ABCC5: variants seen among roughly 807,000 people sequenced by gnomAD.
ABCC5 encodes the protein ATP binding cassette subfamily C member 5, also known as ATP-binding cassette sub-family C member 5.
ABCC5 carries 61 observed loss-of-function variants against 160.9 expected under a neutral mutation model. That is an observed-to-expected ratio of 0.38 (90% CI 0.31 to 0.47). The LOEUF (loss-of-function observed/expected upper bound fraction) is 0.47. ABCC5 is among the 20% of genes least tolerant of loss of function. ABCC5 has a pLI of 0.99. For synonymous variants in ABCC5, 666 were observed against 700.6 expected (o/e 0.95, Z 0.78); for missense variants, 1,308 against 1,813.3 (o/e 0.72, Z 5.06).
chr3:183,968,105 T>C (rs6800217), intron 11 of ABCC5, among the ~76,000 whole-genome samples: 94,793 of 151,914 alleles, frequency 0.62, 30,458 homozygotes, highest in East Asian at 0.86. Flanking sequence ...GAAGACAGGG[T>C]AGGGCTTTTA....
At chr3:183,948,163 A>T (rs1015952996) in intron 22 of ABCC5, among the ~76,000 whole-genome samples, 1 of 152,268 alleles carries the variant, frequency 6.6e-6, no homozygotes, top group African/African-American at 2.4e-5. Context: ...GTACGACTAG[A>T]ACTCCAGAGC....
At chr3:183,952,792 T>A (rs1044091545) in intron 18 of ABCC5, among the ~76,000 whole-genome samples, 1 of 152,190 alleles carries the variant, frequency 6.6e-6, no homozygotes, top group Non-Finnish European at 1.5e-5. Flanking sequence ...CTTTGTCAAG[T>A]ACCCCGTCTT....
At chr3:183,930,093 C>T (rs1713031668) in intron 26 of ABCC5, among the ~76,000 whole-genome samples, 1 of 152,240 alleles carries the variant, frequency 6.6e-6, no homozygotes. Flanking sequence ...AGTATATTTG[C>T]TTTGCTCATA....
chr3:183,962,554 A>T (rs1180942872), intron 15 of ABCC5, among the ~76,000 whole-genome samples: 7 of 147,336 alleles, frequency 4.8e-5, no homozygotes, highest in Non-Finnish European at 1.0e-4. Context: ...TTTTTGTGAC[A>T]GAGTCTTGCT....
chr3:184,000,423 C>T (rs530669261), intron 2 of ABCC5, among the ~76,000 whole-genome samples: 1 of 152,124 alleles, frequency 6.6e-6, no homozygotes, highest in South Asian at 2.1e-4. Flanking sequence ...TGGACTTGTA[C>T]TGAAAAAGTA....
In ABCC5 at chr3:183,981,829, C is replaced by T. The variant is rs113957838; in HGVS notation, c.1045G>A (p.Ala349Thr). The T allele has an allele frequency of 5.0e-6, 8 of 1,610,946 alleles. No homozygotes were observed. In the African/African-American group the frequency reaches 5.3e-5, roughly 11 times the overall value. Reference protein sequence around the residue: ...LTAYFRRKCVAATDERVQKMN... With the variant: ...LTAYFRRKCVTATDERVQKMN... Reference sequence around the variant, plus strand: ...TTCTGGACACGTTCATCCGTGGCGGCCACGCATTTTCTCCTGAAATATGCT... The same window carrying T: ...TTCTGGACACGTTCATCCGTGGCGGTCACGCATTTTCTCCTGAAATATGCT... The change falls in exon 8 of 30, where the codon GCC (alanine) becomes ACC (threonine). Residue 349 changes from alanine to threonine, a missense_variant. This residue lies in a region of ABCC5 where 1,142 missense variants were observed against 1,527.1 expected (regional missense o/e 0.75). Coordinates refer to ENST00000334444, the MANE Select transcript of ABCC5 (RefSeq NM_005688.4).
intron 1 of ABCC5, among the ~76,000 whole-genome samples, chr3:184,015,326 C>T (rs1722098811): frequency 6.6e-6 from 1 of 152,160 alleles, no homozygotes; most frequent in South Asian, 2.1e-4. Flanking sequence ...CACATACATA[C>T]TTCTCCAAAA....
intron 17 of ABCC5, among the ~76,000 whole-genome samples, chr3:183,956,831 A>C (rs55881139): frequency 3.0e-4 from 8 of 26,494 alleles, no homozygotes; most frequent in Admixed American, 1.1e-3. Context: ...TCCGTGTGTA[A>C]ATCACATCGG....
At chr3:183,923,724 G>A (rs1251213727) in intron 29 of ABCC5, among the ~76,000 whole-genome samples, 1 of 152,160 alleles carries the variant, frequency 6.6e-6, no homozygotes, top group Admixed American at 6.5e-5. Context: ...GTAGCTCAAC[G>A]TATCTTATGT....
intron 15 of ABCC5, among the ~76,000 whole-genome samples, chr3:183,962,262 C>A (rs1406655283): frequency 6.6e-6 from 1 of 152,166 alleles, no homozygotes; most frequent in Non-Finnish European, 1.5e-5. Context: ...TGTTTAATAT[C>A]TCATGCAATT....
At chr3:183,965,689 CT>C (rs1717153977) in intron 12 of ABCC5, among the ~76,000 whole-genome samples, 188 bp from the exon 13 acceptor site, 1 of 152,196 alleles carries the variant, frequency 6.6e-6, no homozygotes, top group African/African-American at 2.4e-5. Flanking sequence ...GTTCTCCTTG[CT>C]TATGTGTGAT....
chr3:183,929,276 T>C (rs984633368), intron 26 of ABCC5, among the ~76,000 whole-genome samples: 2 of 151,806 alleles, frequency 1.3e-5, no homozygotes, highest in African/African-American at 2.4e-5. Context: ...CTACTAAAAA[T>C]ACAAAAATTA....
At chr3:183,935,751 C>T (rs1235444355) in intron 26 of ABCC5, among the ~76,000 whole-genome samples, 1 of 152,220 alleles carries the variant, frequency 6.6e-6, no homozygotes, top group African/African-American at 2.4e-5. Flanking sequence ...ATCCGCCCAC[C>T]TAGCCCTCCC....
At chr3:183,973,101 C>G (rs1157653999) in intron 10 of ABCC5, among the ~76,000 whole-genome samples, 1 of 133,222 alleles carries the variant, frequency 7.5e-6, no homozygotes, top group African/African-American at 3.0e-5. Flanking sequence ...GTCGCCCAGG[C>G]TGGAGTGCAG....
At chr3:184,003,463 G>A (rs1720917105) in intron 2 of ABCC5, among the ~76,000 whole-genome samples, 2 of 152,110 alleles carry the variant, frequency 1.3e-5, no homozygotes, top group South Asian at 4.1e-4. Flanking sequence ...TCAGTCAAGA[G>A]GATCAGCAAA....
Position 183,988,860 on chromosome 3 carries a change from G to C in ABCC5, c.288-133C>G. The C allele has an allele frequency of 8.9e-7, 1 of 1,129,518 alleles. No homozygotes were observed. Among genetic ancestry groups the C allele is most frequent in the Non-Finnish European group, 1.2e-6 (1 of 816,152 alleles). The allele number at this position is 1,129,518 out of a possible 1,614,324, so 70.0% of individuals were successfully genotyped here. ...TCCCCAGATGATCTAATCTTAGCCT[G>C]AATGTTCTAAAACGGCTTTGATGGG... On this transcript the variant is annotated intron_variant, in intron 3 of 29. Transcript: ENST00000334444. The surrounding 1 kb of genome is among the most constrained non-coding windows in gnomAD (Gnocchi z 4.4).
At chr3:183,941,983 AG>A (rs1036738374) in intron 25 of ABCC5, among the ~76,000 whole-genome samples, 36 of 151,996 alleles carry the variant, frequency 2.4e-4, no homozygotes, top group African/African-American at 8.2e-4. Context: ...AAAAAAAAAA[AG>A]AAGTAAATTA....
chr3:183,930,702 C>T lies in ABCC5; in HGVS notation c.3855-1877G>A, dbSNP rs569274474. 1.2e-4 allele frequency among the ~76,000 whole-genome samples: 18 copies of T among 152,298 alleles called. No homozygotes were observed. The East Asian group carries it at 3.3e-3, about 28-fold the overall frequency. ...GAATGCCAAAGATGGCCACAACTAC[C>T]AGAAGCTGGAAGAGGCAAGGAAGCG... is the stretch of plus-strand genomic sequence containing the variant. On this transcript the variant is annotated intron_variant, in intron 26 of 29. Coordinates refer to ENST00000334444, the MANE Select transcript of ABCC5 (RefSeq NM_005688.4).
At chr3:183,932,944 C>G (rs1049964748) in intron 26 of ABCC5, among the ~76,000 whole-genome samples, 2 of 152,058 alleles carry the variant, frequency 1.3e-5, no homozygotes. Context: ...GTGGGCAGAT[C>G]ACCTGAGGTC....
Sources: gnomAD v4.1 joint callset for allele counts (sites outside exome capture counted in the v4.1 genomes callset) on GRCh38, gnomAD v4.1.1 for gene constraint, gnomAD v4.1.1 regional missense constraint, Gnocchi (gnomAD v3.1) non-coding constraint, MANE v1.5 for transcripts, NCBI Gene and HGNC (gene_info 2026-07-23, HGNC 2026-07-21) for gene names.